The following CNTNAP2 variants were observed in gnomAD, a reference collection of about 807,000 sequenced individuals.
The protein encoded by CNTNAP2 is contactin-associated protein-like 2.
In CNTNAP2, 98 loss-of-function variants were observed where a neutral mutation model predicts 155.2. The ratio of observed to expected loss-of-function variants is 0.63; its 90% CI spans 0.54 to 0.75. CNTNAP2 has a LOEUF of 0.75. Among genes scored for constraint, CNTNAP2 ranks in the 30% least tolerant of loss-of-function variants. The pLI, the probability that CNTNAP2 is intolerant of heterozygous loss-of-function variation, is 0.00. For missense variants in CNTNAP2, 1,727 were observed against 1,688.1 expected, an observed-to-expected ratio of 1.02 and a Z score of -0.40; for synonymous variants, 651 against 631.2, an observed-to-expected ratio of 1.03 and a Z score of -0.47.
intron 1 of CNTNAP2, among the ~76,000 whole-genome samples, chr7:146,396,960 T>C (rs2129107445): frequency 6.6e-6 from 1 of 152,300 alleles, no homozygotes; most frequent in African/African-American, 2.4e-5. Context: ...ATTTACTTTT[T>C]AGAAGCTTAT....
chr7:146,302,672 C>T (rs1165932091), intron 1 of CNTNAP2, among the ~76,000 whole-genome samples: 2 of 152,088 alleles, frequency 1.3e-5, no homozygotes, highest in Non-Finnish European at 2.9e-5. Context: ...CATATGGCCT[C>T]TTGAGTCCCG....
At chr7:147,615,450 A>C (rs1490968947) in intron 12 of CNTNAP2, among the ~76,000 whole-genome samples, 2 of 151,930 alleles carry the variant, frequency 1.3e-5, no homozygotes, top group African/African-American at 4.8e-5. Flanking sequence ...AACTGTTAAA[A>C]AAAAAGAATG....
intron 12 of CNTNAP2, among the ~76,000 whole-genome samples, chr7:147,600,373 C>T (rs550263864): frequency 6.6e-6 from 1 of 152,196 alleles, no homozygotes. Flanking sequence ...GTGGGCCTCA[C>T]GGTCTCTACC....
At chr7:147,649,779 G>A (rs1390067077) in intron 13 of CNTNAP2, among the ~76,000 whole-genome samples, 1 of 151,638 alleles carries the variant, frequency 6.6e-6, no homozygotes, top group Non-Finnish European at 1.5e-5. Context: ...ACTACTTTTG[G>A]ACTATTTTTC....
chr7:146,653,044 C>T (rs1235234306), intron 1 of CNTNAP2, among the ~76,000 whole-genome samples: 2 of 152,118 alleles, frequency 1.3e-5, no homozygotes, highest in Non-Finnish European at 2.9e-5. Context: ...ACAAGGCATA[C>T]TGTGACTTAT....
intron 21 of CNTNAP2, 71 bp from the exon 22 acceptor site, chr7:148,383,578 C>T (rs1799118549): frequency 6.2e-7 from 1 of 1,608,604 alleles, no homozygotes; most frequent in Non-Finnish European, 8.5e-7. Flanking sequence ...CACAAGCATT[C>T]AAAGACAGGT....
chr7:146,197,188 T>C (rs976256685), intron 1 of CNTNAP2, among the ~76,000 whole-genome samples: 4 of 152,278 alleles, frequency 2.6e-5, no homozygotes, highest in Non-Finnish European at 5.9e-5. Context: ...GCAAGAATGA[T>C]GTAAAAACCA....
intron 3 of CNTNAP2, chr7:146,916,020 A>T (rs1405378750): frequency 2.0e-5 from 3 of 152,088 alleles, no homozygotes; most frequent in African/African-American, 7.2e-5. Flanking sequence ...GAGGATTTTA[A>T]TCATAAAAGG....
chr7:147,728,476 C>A (rs545536590), intron 13 of CNTNAP2, among the ~76,000 whole-genome samples: 1 of 152,048 alleles, frequency 6.6e-6, no homozygotes, highest in East Asian at 1.9e-4. Context: ...CCATTTAGCG[C>A]CCAGAAATAT....
chr7:147,523,722 G>C (rs993777820), intron 11 of CNTNAP2, among the ~76,000 whole-genome samples: 1 of 152,026 alleles, frequency 6.6e-6, no homozygotes, highest in African/African-American at 2.4e-5. Context: ...CTCCCTCTTC[G>C]GGCTCTTATT....
At chr7:147,497,305 C>T in intron 11 of CNTNAP2, among the ~76,000 whole-genome samples, 1 of 152,162 alleles carries the variant, frequency 6.6e-6, no homozygotes, top group East Asian at 1.9e-4. Flanking sequence ...AAAAATATGC[C>T]TACTCTACTC....
rs1218431962 is a variant in CNTNAP2 at position 147,853,745 on chromosome 7, C to A, written c.2099-49820C>A. Reference sequence around the variant, plus strand: ...GCATTGATGATCTATAAATACTAACCTTTATCTCTTGATATTTTTTCTCAT... The same window carrying A: ...GCATTGATGATCTATAAATACTAACATTTATCTCTTGATATTTTTTCTCAT... On this transcript the variant is annotated intron_variant, in intron 13 of 23. Transcript: ENST00000361727. Among the ~76,000 whole-genome samples, 3 of 152,248 alleles carry A rather than the reference C, an allele frequency of 2.0e-5. No homozygotes were observed. The East Asian group carries it at 5.8e-4, about 29-fold the overall frequency.
At chr7:147,291,486 T>G (rs1367394566) in intron 8 of CNTNAP2, among the ~76,000 whole-genome samples, 1 of 152,210 alleles carries the variant, frequency 6.6e-6, no homozygotes, top group Non-Finnish European at 1.5e-5. Context: ...CTTGTATCAC[T>G]AGTTCATTCC....
chr7:148,151,451 A>C (rs1037378333), intron 17 of CNTNAP2, among the ~76,000 whole-genome samples: 3 of 152,018 alleles, frequency 2.0e-5, no homozygotes, highest in Admixed American at 2.0e-4. Context: ...GATTACAGGC[A>C]TGTGCCACCG....
At chr7:148,251,407 G>A (rs1028010904) in intron 20 of CNTNAP2, among the ~76,000 whole-genome samples, 3 of 152,228 alleles carry the variant, frequency 2.0e-5, no homozygotes, top group Non-Finnish European at 4.4e-5. Context: ...CTGCACATCA[G>A]TGTGTGACAA....
chr7:148,030,219 T>C (rs1212504483), intron 15 of CNTNAP2, among the ~76,000 whole-genome samples: 1 of 152,226 alleles, frequency 6.6e-6, no homozygotes, highest in African/African-American at 2.4e-5. Flanking sequence ...TGAATTATTC[T>C]GTGTCATCAA....
At chr7:148,242,498 G>GA (rs1796176371) in intron 20 of CNTNAP2, among the ~76,000 whole-genome samples, 3 of 152,200 alleles carry the variant, frequency 2.0e-5, no homozygotes, top group African/African-American at 4.8e-5. Context: ...GTAGGGAAGG[G>GA]AAAATCTTGT....
rs114221722 is a variant in CNTNAP2 at position 148,154,630 on chromosome 7, T to C, written c.2773+6921T>C. Among the ~76,000 whole-genome samples the C allele has an allele frequency of 8.3e-3, 1,266 of 152,184 alleles. 19 individuals carry two copies. Among genetic ancestry groups the C allele is most frequent in the African/African-American group, 0.028 (1,179 of 41,514 alleles). ...ATGGCTGTTTCTCATATCTAAGAAA[T>C]TGATAATAAAAGATGTACAACTCAG... On this transcript the variant is annotated intron_variant, in intron 17 of 23. Coordinates refer to ENST00000361727, the MANE Select transcript of CNTNAP2 (RefSeq NM_014141.6).
chr7:146,974,438 T>TAAAAAAAAA (rs71165056), intron 3 of CNTNAP2, among the ~76,000 whole-genome samples: 1 of 149,662 alleles, frequency 6.7e-6, no homozygotes, highest in Admixed American at 6.7e-5. Flanking sequence ...AACTCCGTCT[T>TAAAAAAAAA]AAAAAAAAAT....
Sources: allele counts gnomAD v4.1 joint callset (sites outside exome capture counted in the v4.1 genomes callset), GRCh38; gene constraint gnomAD v4.1.1; transcripts MANE v1.5; gene names NCBI Gene and HGNC (gene_info 2026-07-23, HGNC 2026-07-21).